The following IMMP2L variants were observed in gnomAD, a reference collection of about 807,000 sequenced individuals.
IMMP2L encodes the protein mitochondrial inner membrane protease subunit 2.
In IMMP2L, 18 loss-of-function variants were observed where a neutral mutation model predicts 19.3. That is an observed-to-expected ratio of 0.93 (90% CI 0.64 to 1.38). The LOEUF (loss-of-function observed/expected upper bound fraction) is 1.38. IMMP2L is among the 40% of genes most tolerant of loss of function. IMMP2L has a pLI of 0.00. For synonymous variants in IMMP2L, 76 were observed against 73.0 expected, an observed-to-expected ratio of 1.04 and a Z score of -0.21; for missense variants, 233 against 218.2, an observed-to-expected ratio of 1.07 and a Z score of -0.43.
At chr7:111,191,627 C>T (rs768990452) in intron 3 of IMMP2L, among the ~76,000 whole-genome samples, 1 of 152,082 alleles carries the variant, frequency 6.6e-6, no homozygotes, top group Non-Finnish European at 1.5e-5. Flanking sequence ...GTAGCACAAA[C>T]TGGCTTCTAA....
intron 3 of IMMP2L, among the ~76,000 whole-genome samples, chr7:111,224,532 G>A (rs1343780695): frequency 1.3e-5 from 2 of 152,030 alleles, no homozygotes; most frequent in Non-Finnish European, 2.9e-5. Context: ...AATGATGATT[G>A]CAATTTGTGT....
intron 3 of IMMP2L, among the ~76,000 whole-genome samples, chr7:111,429,372 G>A (rs1836406231): frequency 6.6e-6 from 1 of 151,932 alleles, no homozygotes; most frequent in African/African-American, 2.4e-5. Context: ...TTCAGCAGAA[G>A]AGGCAAGGCC....
In IMMP2L at chr7:111,203,459, C is replaced by A. The variant is rs148270163; in HGVS notation, c.240-239894G>T. Among the ~76,000 whole-genome samples the A allele has an allele frequency of 1.2e-3, 186 of 151,354 alleles. 2 individuals carry two copies. The East Asian group carries it at 0.029, about 23-fold the overall frequency. On this transcript the variant is annotated intron_variant, in intron 3 of 5. Coordinates refer to ENST00000405709, the MANE Select transcript of IMMP2L (RefSeq NM_032549.4). ...ATACAGATTATTGGGGAAGGTGTTA[C>A]TTTAAATAAGGCAGTCAGAAAATAT... is the stretch of plus-strand genomic sequence containing the variant.
At chr7:111,141,130 T>C (rs1802835507) in intron 3 of IMMP2L, among the ~76,000 whole-genome samples, 1 of 152,102 alleles carries the variant, frequency 6.6e-6, no homozygotes. Flanking sequence ...GGCTCTGGGG[T>C]GACTGGGGAT....
chr7:111,087,024 A>G (rs1387120416), intron 3 of IMMP2L, among the ~76,000 whole-genome samples: 2 of 152,236 alleles, frequency 1.3e-5, no homozygotes, highest in East Asian at 3.8e-4. Context: ...TGTGCAGTAG[A>G]AAGAGCTTTG....
In IMMP2L at chr7:111,466,897, G is replaced by T. The variant is rs557110289; in HGVS notation, c.239+20341C>A. On this transcript the variant is annotated intron_variant, in intron 3 of 5. Transcript: ENST00000405709. The stretch of plus-strand genomic sequence containing the variant: ...GGAGATAATTTAAAGTATACAAAAT[G>T]ATGTCCATAGGTTATATGCAAATAC... Among the ~76,000 whole-genome samples the T allele has an allele frequency of 8.5e-5, 13 of 152,238 alleles. No homozygotes were observed. In the South Asian group the frequency reaches 2.1e-3, roughly 24 times the overall value.
rs1042851483 is a variant in IMMP2L at position 110,760,944 on chromosome 7, A to G, written c.409-97223T>C. ...ATAAGTGACATAAGTGGGTTGGAGA[A>G]TAGAGAAAGCAAACATTGCAATGCA... On this transcript the variant is annotated intron_variant, in intron 5 of 5. Coordinates refer to ENST00000405709, the MANE Select transcript of IMMP2L (RefSeq NM_032549.4). This position sits in a 1 kb window ranked among gnomAD's most constrained non-coding sequence, Gnocchi z 4.2. Among the ~76,000 whole-genome samples, 2 of 152,136 alleles carry G rather than the reference A, an allele frequency of 1.3e-5. No individual in the cohort carries two copies. Among genetic ancestry groups the G allele is most frequent in the Non-Finnish European group, 2.9e-5 (2 of 68,020 alleles).
chr7:111,455,419 T>G (rs1167233819), intron 3 of IMMP2L, among the ~76,000 whole-genome samples: 1 of 152,106 alleles, frequency 6.6e-6, no homozygotes, highest in South Asian at 2.1e-4. Context: ...TGACAGAATC[T>G]ATCACTAAAA....
intron 3 of IMMP2L, among the ~76,000 whole-genome samples, chr7:111,283,548 G>A (rs977647153): frequency 2.6e-5 from 4 of 152,156 alleles, no homozygotes; most frequent in African/African-American, 9.7e-5. Flanking sequence ...AGGGTATGTG[G>A]TAGGAGAATG....
intron 3 of IMMP2L, among the ~76,000 whole-genome samples, chr7:111,436,881 G>A (rs1837225512): frequency 6.6e-6 from 1 of 151,678 alleles, no homozygotes; most frequent in Admixed American, 6.6e-5. Context: ...AGGGGGTGCA[G>A]GTATGGCAAG....
chr7:111,194,040 G>C (rs527278078), intron 3 of IMMP2L, among the ~76,000 whole-genome samples: 1 of 152,144 alleles, frequency 6.6e-6, no homozygotes, highest in Non-Finnish European at 1.5e-5. Context: ...AGTCACAGCT[G>C]TCTCTTCGGG....
chr7:111,178,684 CTT>C (rs536899659), intron 3 of IMMP2L, among the ~76,000 whole-genome samples: 84 of 152,186 alleles, frequency 5.5e-4, no homozygotes, highest in African/African-American at 1.9e-3. Flanking sequence ...CAAGAAACCA[CTT>C]TCTTTGCTTA....
At chr7:110,776,428 G>C (rs781403648) in intron 5 of IMMP2L, among the ~76,000 whole-genome samples, 1 of 152,000 alleles carries the variant, frequency 6.6e-6, no homozygotes, top group African/African-American at 2.4e-5. Flanking sequence ...ACTAGGTCTC[G>C]AGTTTGCTTT....
intron 5 of IMMP2L, among the ~76,000 whole-genome samples, chr7:110,850,095 AACT>A (rs1405622426): frequency 6.6e-6 from 1 of 152,072 alleles, no homozygotes. Context: ...TCAGTGAGAA[AACT>A]ACTAAAGTCA....
At chr7:111,158,192 A>G (rs1256431622) in intron 3 of IMMP2L, among the ~76,000 whole-genome samples, 2 of 152,064 alleles carry the variant, frequency 1.3e-5, no homozygotes, top group Non-Finnish European at 2.9e-5. Flanking sequence ...AAAATGTAAA[A>G]TAAGATTACA....
chr7:111,140,004 A>G (rs1322529010), intron 3 of IMMP2L, among the ~76,000 whole-genome samples: 4 of 152,304 alleles, frequency 2.6e-5, no homozygotes, highest in East Asian at 1.9e-4. Flanking sequence ...CATTTCCTAC[A>G]TATGTTATTT....
At chr7:111,212,563 A>G (rs1342606965) in intron 3 of IMMP2L, among the ~76,000 whole-genome samples, 1 of 152,060 alleles carries the variant, frequency 6.6e-6, no homozygotes, top group Non-Finnish European at 1.5e-5. Context: ...GTGAGCTGAG[A>G]TCACACCACT....
At chr7:110,976,420 A>G (rs1451815091) in intron 3 of IMMP2L, among the ~76,000 whole-genome samples, 2 of 152,032 alleles carry the variant, frequency 1.3e-5, no homozygotes, top group Admixed American at 6.6e-5. Flanking sequence ...GCATGTATCA[A>G]AGTTTCATTC....
intron 5 of IMMP2L, among the ~76,000 whole-genome samples, chr7:110,700,480 A>G (rs1794203581): frequency 6.6e-6 from 1 of 152,204 alleles, no homozygotes. Context: ...CAATCCCCGT[A>G]GTCCTCACAA....
Sources: allele counts gnomAD v4.1 joint callset (sites outside exome capture counted in the v4.1 genomes callset), GRCh38; gene constraint gnomAD v4.1.1; non-coding constraint Gnocchi (gnomAD v3.1); transcripts MANE v1.5; gene names NCBI Gene and HGNC (gene_info 2026-07-23, HGNC 2026-07-21).